PLA2G4E: variants seen among roughly 807,000 people sequenced by gnomAD.
PLA2G4E encodes the protein cytosolic phospholipase A2 epsilon.
Under a neutral mutation model 109.1 loss-of-function variants are expected in PLA2G4E, and 84 were observed. The observed-to-expected ratio is 0.77, with a 90% CI of 0.65 to 0.92. PLA2G4E has a LOEUF of 0.92. PLA2G4E is among the 40% of genes least tolerant of loss of function. The probability of loss-of-function intolerance (pLI) is 0.00; values close to 1 mark genes in which losing one functional copy is unlikely to be tolerated. For missense variants in PLA2G4E, 1,057 were observed against 1,076.6 expected, an observed-to-expected ratio of 0.98 and a Z score of 0.25; for synonymous variants, 469 against 436.1, an observed-to-expected ratio of 1.08 and a Z score of -0.94.
intron 1 of PLA2G4E, 120 bp from the exon 2 acceptor site, chr15:42,013,877 G>T (rs910717976): frequency 1.7e-5 from 7 of 400,114 alleles, no homozygotes; most frequent in Admixed American, 1.4e-4. Context: ...ACAACCCCTA[G>T]GCTGGTTTTT....
chr15:42,030,806 T>C (rs577446800), intron 1 of PLA2G4E, among the ~76,000 whole-genome samples: 6 of 152,364 alleles, frequency 3.9e-5, no homozygotes, highest in South Asian at 2.1e-4. Flanking sequence ...ATGCAGTGTT[T>C]GCTCTTTTGT....
chr15:42,011,938 C>T (rs2068540098), intron 2 of PLA2G4E, among the ~76,000 whole-genome samples: 1 of 152,060 alleles, frequency 6.6e-6, no homozygotes, highest in Non-Finnish European at 1.5e-5. Flanking sequence ...CTCCCTGGAT[C>T]CTCAAATCAT....
intron 2 of PLA2G4E, chr15:42,010,270 C>T: frequency 2.5e-6 from 1 of 401,090 alleles, no homozygotes. Flanking sequence ...CCTGTAAGAG[C>T]CCCTTCCCTC....
rs78439013 is a variant in PLA2G4E, at chr15:42,042,500, G to C, written c.183+8021C>G. Among the ~76,000 whole-genome samples the C allele has an allele frequency of 8.5e-3, 1,288 of 152,144 alleles. 17 individuals carry two copies. Among genetic ancestry groups the C allele is most frequent in the African/African-American group, 0.029 (1,192 of 41,494 alleles). The stretch of plus-strand genomic sequence containing the variant: ...TAAATAAAGTTGCTCTTTAAATAAA[G>C]CAAAAAATGCATTTAGAGACAGGGA... On this transcript the variant is annotated intron_variant, in intron 1 of 19. Transcript: ENST00000399518.
In PLA2G4E at chr15:42,017,485, C is replaced by T. The variant is rs867537009; in HGVS notation, c.184-3728G>A. ...TTATCTTGCTTAATCCTTACAACCG[C>T]CCCACGAAGCAGTTATTATTAGCTT... On this transcript the variant is annotated intron_variant, in intron 1 of 19. Coordinates refer to ENST00000399518, the Ensembl canonical transcript of PLA2G4E. Among the ~76,000 whole-genome samples, 29 of 152,300 alleles carry T rather than the reference C, an allele frequency of 1.9e-4. 1 individual carries two copies. The highest frequency in any genetic ancestry group is 1.7e-3 in the South Asian group (8 of 4,818).
intron 4 of PLA2G4E, 47 bp from the exon 5 acceptor site, chr15:42,005,025 C>T: frequency 6.2e-7 from 1 of 1,603,474 alleles, no homozygotes; most frequent in Non-Finnish European, 8.5e-7. Context: ...GTCTGCACAT[C>T]TCTGCTGACC....
chr15:41,996,378 A>G (rs2665201), intron 11 of PLA2G4E, among the ~76,000 whole-genome samples: 3 of 124,100 alleles, frequency 2.4e-5, no homozygotes, highest in African/African-American at 3.0e-5. Flanking sequence ...AAAAAAAAAA[A>G]AGGAGGGAGG....
chr15:41,998,152 G>A (rs566472178), intron 10 of PLA2G4E: 2 of 152,380 alleles, frequency 1.3e-5, no homozygotes, highest in South Asian at 2.1e-4. Flanking sequence ...CCAGATGAAT[G>A]TACCTTGACC....
At chr15:41,987,227 A>C in exon 17 of PLA2G4E, 1 of 1,614,036 alleles carries the variant, frequency 6.2e-7, no homozygotes. Context: ...GCTGCAGCCC[A>C]GACAGGAAGT....
At chr15:42,013,362 T>C (rs1463287529) in intron 2 of PLA2G4E, among the ~76,000 whole-genome samples, 1 of 152,024 alleles carries the variant, frequency 6.6e-6, no homozygotes, top group Non-Finnish European at 1.5e-5. Context: ...TGGAAATCGA[T>C]TCCAGGAAGA....
intron 1 of PLA2G4E, among the ~76,000 whole-genome samples, chr15:42,034,287 C>T (rs1021566501): frequency 6.6e-6 from 1 of 152,188 alleles, no homozygotes; most frequent in Non-Finnish European, 1.5e-5. Flanking sequence ...ACCCGGAGTA[C>T]TCCTAGGCTT....
At chr15:42,020,552 A>C (rs1227462185) in intron 1 of PLA2G4E, among the ~76,000 whole-genome samples, 1 of 152,264 alleles carries the variant, frequency 6.6e-6, no homozygotes, top group Non-Finnish European at 1.5e-5. Flanking sequence ...CTTGCACAGC[A>C]TAGAAGCTTA....
intron 2 of PLA2G4E, among the ~76,000 whole-genome samples, chr15:42,009,486 C>T (rs1030593186): frequency 6.6e-6 from 1 of 152,140 alleles, no homozygotes. Context: ...TAGATATGAC[C>T]ATGCCATTCC....
At chr15:42,029,025 T>C (rs1017489251) in intron 1 of PLA2G4E, among the ~76,000 whole-genome samples, 2 of 152,234 alleles carry the variant, frequency 1.3e-5, no homozygotes, top group South Asian at 2.1e-4. Context: ...TCAATGTATC[T>C]GGCTCATGAA....
At chr15:41,991,886 C>T (rs1274145361) in intron 13 of PLA2G4E, among the ~76,000 whole-genome samples, 1 of 152,190 alleles carries the variant, frequency 6.6e-6, no homozygotes, top group African/African-American at 2.4e-5. Context: ...TTAATCTCGG[C>T]TTGTGCAACC....
chr15:42,042,350 T>C (rs940319061), intron 1 of PLA2G4E, among the ~76,000 whole-genome samples: 4 of 151,796 alleles, frequency 2.6e-5, no homozygotes, highest in African/African-American at 9.7e-5. Context: ...CAGGAAGTTA[T>C]TTCTGGATGA....
intron 2 of PLA2G4E, among the ~76,000 whole-genome samples, chr15:42,008,779 G>A (rs1566842919): frequency 6.6e-6 from 1 of 152,196 alleles, no homozygotes; most frequent in Non-Finnish European, 1.5e-5. Flanking sequence ...GTGAGGCCCA[G>A]GGTACACACC....
At chr15:42,017,437 G>T (rs1427004106) in intron 1 of PLA2G4E, among the ~76,000 whole-genome samples, 3 of 152,202 alleles carry the variant, frequency 2.0e-5, no homozygotes, top group Non-Finnish European at 4.4e-5. Context: ...ATGCGCAGGT[G>T]CCATGTACAG....
At position 42,013,762 on chromosome 15, in the gene PLA2G4E, G is replaced by T; in HGVS notation, c.184-5C>A. 6.5e-7 allele frequency: 1 copy of T among 1,549,190 alleles called. No homozygotes were observed. ...GTGGCATGGAGACAGCCCCTCCTGTGGAAGGAGAGGACAGAGGACTCAGTC... is the reference window on the plus strand; with the variant it reads ...GTGGCATGGAGACAGCCCCTCCTGTTGAAGGAGAGGACAGAGGACTCAGTC... On this transcript the variant is annotated splice_region_variant and splice_polypyrimidine_tract_variant and intron_variant, in intron 1 of 19. Coordinates refer to ENST00000399518, the Ensembl canonical transcript of PLA2G4E.
Sources: allele counts gnomAD v4.1 joint callset (sites outside exome capture counted in the v4.1 genomes callset), GRCh38; gene constraint gnomAD v4.1.1; transcripts MANE v1.5; gene names NCBI Gene and HGNC (gene_info 2026-07-23, HGNC 2026-07-21).